The following TANC2 variants were observed in gnomAD, a reference collection of about 807,000 sequenced individuals.
The protein encoded by TANC2 is protein TANC2.
In TANC2, 26 loss-of-function variants were observed where a neutral mutation model predicts 210.5. That is an observed-to-expected ratio of 0.12 (90% CI 0.09 to 0.17). The LOEUF is 0.17. Ranked by LOEUF, TANC2 falls within the 10% of genes least tolerant of loss-of-function variation. The pLI, the probability that TANC2 is intolerant of heterozygous loss-of-function variation, is 1.00. For missense variants in TANC2, 2,129 were observed against 2,608.9 expected, an observed-to-expected ratio of 0.82 and a Z score of 4.01; for synonymous variants, 931 against 967.1, an observed-to-expected ratio of 0.96 and a Z score of 0.69.
chr17:63,354,695 G>GAA (rs2046729867), intron 13 of TANC2, 88 bp from the exon 14 acceptor site: 5 of 1,484,400 alleles, frequency 3.4e-6, no homozygotes, highest in Non-Finnish European at 4.5e-6. Context: ...TCGAAGTTCA[G>GAA]AATACATTTG....
At chr17:62,980,560 A>C (rs978228410) in intron 1 of TANC2, among the ~76,000 whole-genome samples, 4 of 152,152 alleles carry the variant, frequency 2.6e-5, no homozygotes, top group Admixed American at 1.3e-4. Flanking sequence ...AATACTTAAC[A>C]TGCAATACTC....
At chr17:63,363,181 C>A (rs950684114) in intron 14 of TANC2, among the ~76,000 whole-genome samples, 2 of 152,178 alleles carry the variant, frequency 1.3e-5, no homozygotes, top group African/African-American at 4.8e-5. Context: ...CTATTCAGAT[C>A]TTTTGCCCAT....
intron 12 of TANC2, among the ~76,000 whole-genome samples, chr17:63,342,287 A>C (rs528854092): frequency 6.6e-6 from 1 of 152,094 alleles, no homozygotes; most frequent in Admixed American, 6.6e-5. Flanking sequence ...GTTTATAAGA[A>C]TTACTTTTGT....
chr17:62,999,262 C>T (rs938650176), intron 1 of TANC2, among the ~76,000 whole-genome samples: 9 of 152,212 alleles, frequency 5.9e-5, no homozygotes, highest in African/African-American at 2.2e-4. Flanking sequence ...TCCTGCTTCA[C>T]CTGCCATGAG....
chr17:63,176,474 A>G (rs998090299), intron 5 of TANC2, among the ~76,000 whole-genome samples: 6 of 152,220 alleles, frequency 3.9e-5, no homozygotes, highest in Non-Finnish European at 7.3e-5. Context: ...AATTACTTAT[A>G]TAAGCTTATG....
chr17:63,340,417 A>C, intron 12 of TANC2, 85 bp downstream of exon 12: 1 of 1,134,334 alleles, frequency 8.8e-7, no homozygotes. Context: ...GATTGATTTT[A>C]TCACATTGCC....
chr17:63,239,335 T>A (rs1316937035), intron 8 of TANC2, among the ~76,000 whole-genome samples: 1 of 152,156 alleles, frequency 6.6e-6, no homozygotes, highest in African/African-American at 2.4e-5. Flanking sequence ...CTTTTCAAAA[T>A]ATGTCATCAT....
chr17:63,413,507 G>C, intron 24 of TANC2, 36 bp from the exon 25 acceptor site: 1 of 1,525,136 alleles, frequency 6.6e-7, no homozygotes, highest in South Asian at 1.2e-5. Context: ...TACATTGTAT[G>C]AGTTTTTTAC....
chr17:63,070,668 G>A (rs2036365021), intron 2 of TANC2, among the ~76,000 whole-genome samples: 1 of 151,356 alleles, frequency 6.6e-6, no homozygotes, highest in South Asian at 2.1e-4. Flanking sequence ...TTTGTAAATG[G>A]TTAAAAAAAA....
chr17:63,300,793 G>C (rs2044687354), intron 9 of TANC2, among the ~76,000 whole-genome samples: 1 of 152,080 alleles, frequency 6.6e-6, no homozygotes, highest in Admixed American at 6.5e-5. Context: ...TGATTGCCCT[G>C]GCCAAAACTT....
At chr17:63,280,244 C>T (rs530668218) in intron 9 of TANC2, among the ~76,000 whole-genome samples, 3 of 152,182 alleles carry the variant, frequency 2.0e-5, no homozygotes, top group Non-Finnish European at 2.9e-5. Context: ...ACCCTCTCCA[C>T]GATTCTGTTA....
intron 15 of TANC2, among the ~76,000 whole-genome samples, chr17:63,384,321 C>A (rs1277422440): frequency 6.6e-6 from 1 of 152,084 alleles, no homozygotes; most frequent in Non-Finnish European, 1.5e-5. Flanking sequence ...GTCCTCCCTC[C>A]TTGGCCTCCC....
chr17:63,098,212 C>G (rs2037462164), intron 3 of TANC2, among the ~76,000 whole-genome samples: 1 of 151,960 alleles, frequency 6.6e-6, no homozygotes, highest in Admixed American at 6.6e-5. Context: ...ATGATATTAC[C>G]TTCCTCCACA....
rs80172432 is a variant in TANC2, at chr17:63,112,542, C to T, written c.322+13185C>T. ...AGGACCCAAAGAACTGATAGGGTCA[C>T]ACTGGTCAAGAACCCAGCTGAACGA... On this transcript the variant is annotated intron_variant, in intron 4 of 27. Transcript: ENST00000689528. 2.9e-3 allele frequency among the ~76,000 whole-genome samples: 435 copies of T among 152,298 alleles called. 1 individual carries two copies. Among genetic ancestry groups the T allele is most frequent in the Non-Finnish European group, 4.1e-3 (282 of 68,018 alleles).
At chr17:63,139,846 G>T (rs1055465278) in intron 4 of TANC2, among the ~76,000 whole-genome samples, 5 of 152,202 alleles carry the variant, frequency 3.3e-5, no homozygotes, top group African/African-American at 9.6e-5. Context: ...CAAGGCTGCA[G>T]CGAGCTGTGA....
In TANC2 at chr17:63,389,560, C is replaced by T. The variant is rs757088044; in HGVS notation, c.3051+16C>T. On this transcript the variant is annotated intron_variant, in intron 17 of 27. Transcript: ENST00000689528. ...ACGGGCCAAGGTACTGGCTGCCCAG[C>T]TCTGCTGCTTTTCTTCCCTTTTTCT... 1.9e-6 allele frequency: 3 copies of T among 1,587,392 alleles called. No individual in the cohort carries two copies. Among genetic ancestry groups the T allele is most frequent in the East Asian group, 4.6e-5 (2 of 43,826 alleles).
At chr17:63,425,285 A>G (rs2049116895) in exon 28 of TANC2, 1 of 152,222 alleles carries the variant, frequency 6.6e-6, no homozygotes, top group South Asian at 2.1e-4. Flanking sequence ...GTCGTTGTCC[A>G]GATATACAAG....
chr17:63,036,945 C>T (rs1298680587), intron 2 of TANC2, among the ~76,000 whole-genome samples: 1 of 150,360 alleles, frequency 6.7e-6, no homozygotes, highest in Non-Finnish European at 1.5e-5. Context: ...CTATGGATAA[C>T]ACCGAACCCT....
At chr17:63,188,675 AC>A (rs1292837269) in intron 5 of TANC2, among the ~76,000 whole-genome samples, 1 of 151,646 alleles carries the variant, frequency 6.6e-6, no homozygotes, top group Non-Finnish European at 1.5e-5. Flanking sequence ...CATATAACTC[AC>A]TGTGGTTATG....
Sources: gnomAD v4.1 joint callset for allele counts (sites outside exome capture counted in the v4.1 genomes callset) on GRCh38, gnomAD v4.1.1 for gene constraint, MANE v1.5 for transcripts, NCBI Gene and HGNC (gene_info 2026-07-23, HGNC 2026-07-21) for gene names.